ADAMTS6: variants seen among roughly 807,000 people sequenced by gnomAD.
ADAMTS6 encodes the protein ADAM metallopeptidase with thrombospondin type 1 motif 6.
ADAMTS6 carries 23 observed loss-of-function variants against 144.3 expected under a neutral mutation model. That is an observed-to-expected ratio of 0.16 (90% CI 0.11 to 0.23). ADAMTS6 has a LOEUF of 0.23. Among genes scored for constraint, ADAMTS6 ranks in the 10% least tolerant of loss-of-function variants. The pLI is 1.00. For missense variants in ADAMTS6, 999 were observed against 1,379.6 expected, an observed-to-expected ratio of 0.72 and a Z score of 4.37; for synonymous variants, 444 against 457.5, an observed-to-expected ratio of 0.97 and a Z score of 0.38.
chr5:65,287,472 A>G (rs1194046855), intron 11 of ADAMTS6, among the ~76,000 whole-genome samples: 1 of 152,170 alleles, frequency 6.6e-6, no homozygotes, highest in Non-Finnish European at 1.5e-5. Context: ...TGGAGTAGGT[A>G]TATCACATTC....
At chr5:65,259,127 C>T (rs1049966280) in intron 14 of ADAMTS6, among the ~76,000 whole-genome samples, 12 of 151,902 alleles carry the variant, frequency 7.9e-5, no homozygotes, top group South Asian at 4.2e-4. Context: ...GAGGCCGAGG[C>T]GGGTGGATCA....
At chr5:65,364,829 G>A (rs997131618) in intron 7 of ADAMTS6, among the ~76,000 whole-genome samples, 4 of 152,070 alleles carry the variant, frequency 2.6e-5, no homozygotes, top group African/African-American at 7.2e-5. Context: ...GCCTCCCAAA[G>A]TGCTGGGATT....
At chr5:65,237,387 CAAAA>C (rs371275883) in intron 15 of ADAMTS6, among the ~76,000 whole-genome samples, 2 of 77,220 alleles carry the variant, frequency 2.6e-5, no homozygotes, top group Admixed American at 1.5e-4. Context: ...GACCTTGTCT[CAAAA>C]AAAAAAAAAA....
intron 7 of ADAMTS6, among the ~76,000 whole-genome samples, chr5:65,420,865 G>A (rs144092867): frequency 6.6e-6 from 1 of 152,072 alleles, no homozygotes; most frequent in East Asian, 1.9e-4. Context: ...ACAATAATAG[G>A]AGGATGGATA....
intron 7 of ADAMTS6, among the ~76,000 whole-genome samples, chr5:65,354,797 T>C (rs2150094960): frequency 6.6e-6 from 1 of 151,950 alleles, no homozygotes; most frequent in South Asian, 2.1e-4. Context: ...AAAGATGGTA[T>C]TTGTGGCATT....
At chr5:65,203,851 T>G (rs1755903022) in intron 20 of ADAMTS6, among the ~76,000 whole-genome samples, 1 of 152,216 alleles carries the variant, frequency 6.6e-6, no homozygotes, top group South Asian at 2.1e-4. Flanking sequence ...AAATACTATT[T>G]TGGAAAGAAT....
chr5:65,426,411 A>C (rs1196450357), intron 7 of ADAMTS6, among the ~76,000 whole-genome samples: 1 of 152,034 alleles, frequency 6.6e-6, no homozygotes, highest in Non-Finnish European at 1.5e-5. Context: ...CCTTTTGGCT[A>C]AAATCAAGTT....
At chr5:65,350,245 G>A (rs550800581) in intron 7 of ADAMTS6, among the ~76,000 whole-genome samples, 7 of 152,258 alleles carry the variant, frequency 4.6e-5, no homozygotes, top group African/African-American at 1.7e-4. Context: ...TCATGCTGCA[G>A]GTTAAGTTGA....
rs75420001 is a variant in ADAMTS6, at chr5:65,362,675, T to C, written c.1074-28590A>G. Among the ~76,000 whole-genome samples the C allele has an allele frequency of 8.7e-3, 1,330 of 152,312 alleles. 17 individuals carry two copies. Among genetic ancestry groups the C allele is most frequent in the African/African-American group, 0.03 (1,254 of 41,564 alleles). ...GTAAGTACCATAATGGCAAGAATTA[T>C]TGGGCTCAATTCTTTCCATCACATA... On this transcript the variant is annotated intron_variant, in intron 7 of 24. Coordinates refer to ENST00000381055, the MANE Select transcript of ADAMTS6 (RefSeq NM_197941.4).
chr5:65,318,297 C>A (rs1423649090), intron 9 of ADAMTS6, among the ~76,000 whole-genome samples: 13 of 152,080 alleles, frequency 8.5e-5, no homozygotes, highest in Non-Finnish European at 1.5e-5. Context: ...TAAATTAGTA[C>A]AGCCACTATG....
At chr5:65,467,845 A>C (rs2150278520) in intron 3 of ADAMTS6, among the ~76,000 whole-genome samples, 1 of 152,362 alleles carries the variant, frequency 6.6e-6, no homozygotes, top group East Asian at 1.9e-4. Context: ...TTAGGAAAGA[A>C]GTCCCAAAAT....
intron 18 of ADAMTS6, among the ~76,000 whole-genome samples, chr5:65,219,669 A>C (rs191988074): frequency 1.3e-5 from 2 of 152,136 alleles, no homozygotes; most frequent in Non-Finnish European, 2.9e-5. Flanking sequence ...CTGCCTCCTG[A>C]GTGGTTGGAA....
chr5:65,364,410 C>T (rs1750102965), intron 7 of ADAMTS6, among the ~76,000 whole-genome samples: 1 of 152,120 alleles, frequency 6.6e-6, no homozygotes, highest in South Asian at 2.1e-4. Context: ...GGAGTATCAT[C>T]ATGTTGCACA....
intron 15 of ADAMTS6, among the ~76,000 whole-genome samples, chr5:65,232,125 A>AAAC (rs529497786): frequency 6.6e-6 from 1 of 152,092 alleles, no homozygotes; most frequent in Admixed American, 6.6e-5. Flanking sequence ...ACAAACAAAC[A>AAAC]AACAACAACA....
At chr5:65,272,488 C>T (rs948952687) in intron 12 of ADAMTS6, among the ~76,000 whole-genome samples, 1 of 152,046 alleles carries the variant, frequency 6.6e-6, no homozygotes. Context: ...CTGTGCCAAG[C>T]ATGTTTAAAT....
chr5:65,262,265 G>A (rs1761267182), intron 13 of ADAMTS6, among the ~76,000 whole-genome samples: 1 of 152,188 alleles, frequency 6.6e-6, no homozygotes, highest in Non-Finnish European at 1.5e-5. Context: ...ACAGTCATGG[G>A]GAGAAAAGTG....
At position 65,438,540 on chromosome 5, in the gene ADAMTS6, T is replaced by C. The variant is rs955501183; in HGVS notation, c.1073+12935A>G. Among the ~76,000 whole-genome samples the C allele has an allele frequency of 1.1e-4, 16 of 152,136 alleles. No homozygotes were observed. The East Asian group carries it at 2.7e-3, about 26-fold the overall frequency. On this transcript the variant is annotated intron_variant, in intron 7 of 24. Transcript: ENST00000381055. Reference sequence around the variant, plus strand: ...AGATTCCATCTTATACATACATACATACATAAAAAAATAAGAAACAGATTC... The same window carrying C: ...AGATTCCATCTTATACATACATACACACATAAAAAAATAAGAAACAGATTC...
At chr5:65,371,992 T>C (rs1293393404) in intron 7 of ADAMTS6, among the ~76,000 whole-genome samples, 1 of 152,054 alleles carries the variant, frequency 6.6e-6, no homozygotes, top group Non-Finnish European at 1.5e-5. Flanking sequence ...AAAAGAATTT[T>C]CAACCCCGAA....
chr5:65,367,871 T>C (rs1424498456), intron 7 of ADAMTS6, among the ~76,000 whole-genome samples: 1 of 151,944 alleles, frequency 6.6e-6, no homozygotes, highest in African/African-American at 2.4e-5. Flanking sequence ...TGTATATATA[T>C]GTGTGTGTAT....
Sources: allele counts gnomAD v4.1 joint callset (sites outside exome capture counted in the v4.1 genomes callset), GRCh38; gene constraint gnomAD v4.1.1; transcripts MANE v1.5; gene names NCBI Gene and HGNC (gene_info 2026-07-23, HGNC 2026-07-21).